TLE4: variants seen among roughly 807,000 people sequenced by gnomAD.
The protein encoded by TLE4 is transducin-like enhancer protein 4.
In TLE4, 8 loss-of-function variants were observed where a neutral mutation model predicts 92.8. That is an observed-to-expected ratio of 0.09 (90% CI 0.05 to 0.16). The LOEUF (loss-of-function observed/expected upper bound fraction) is 0.16, where lower values mean the gene tolerates loss of function less well. Ranked by LOEUF, TLE4 falls within the 10% of genes least tolerant of loss-of-function variation. The pLI, the probability that TLE4 is intolerant of heterozygous loss-of-function variation, is 1.00. For missense variants in TLE4, 675 were observed against 997.6 expected, an observed-to-expected ratio of 0.68 and a Z score of 4.36; for synonymous variants, 371 against 374.1, an observed-to-expected ratio of 0.99 and a Z score of 0.10.
At chr9:79,702,243 T>A (rs1057133703) in intron 8 of TLE4, among the ~76,000 whole-genome samples, 1 of 152,110 alleles carries the variant, frequency 6.6e-6, no homozygotes, top group Non-Finnish European at 1.5e-5. Flanking sequence ...ATTTGGAATT[T>A]TTTTCCCCCT....
At chr9:79,650,942 C>A (rs1367323012) in intron 6 of TLE4, among the ~76,000 whole-genome samples, 2 of 150,668 alleles carry the variant, frequency 1.3e-5, no homozygotes, top group African/African-American at 4.9e-5. Context: ...AGAAAATAAA[C>A]CTAATTTGGA....
At chr9:79,587,432 T>C (rs78598244) in intron 4 of TLE4, among the ~76,000 whole-genome samples, 2,951 of 152,310 alleles carry the variant, frequency 0.019, 103 homozygotes, top group African/African-American at 0.067. Context: ...ATGATTTATT[T>C]CTAAGATATC....
chr9:79,596,008 T>G (rs1197860883), intron 4 of TLE4, among the ~76,000 whole-genome samples: 2 of 151,626 alleles, frequency 1.3e-5, no homozygotes, highest in Non-Finnish European at 2.9e-5. Flanking sequence ...CACCACGCCA[T>G]GCTATTTTTT....
At chr9:79,649,997 C>T in intron 6 of TLE4, 1 of 679,250 alleles carries the variant, frequency 1.5e-6, no homozygotes, top group South Asian at 1.8e-5. Flanking sequence ...CTCACTGCAG[C>T]CATGACCTCC....
chr9:79,655,758 T>A (rs1461611746), intron 8 of TLE4, among the ~76,000 whole-genome samples: 1 of 152,226 alleles, frequency 6.6e-6, no homozygotes, highest in Non-Finnish European at 1.5e-5. Flanking sequence ...TTTGAAAGCC[T>A]GTCCAGTTAT....
chr9:79,598,075 G>GAAAAAAA (rs748860967), intron 4 of TLE4, among the ~76,000 whole-genome samples: 27 of 65,572 alleles, frequency 4.1e-4, no homozygotes, highest in South Asian at 6.4e-4. Context: ...TACTGAAAAA[G>GAAAAAAA]AAAAAAAAAA....
chr9:79,573,125 G>C (rs117665650), intron 1 of TLE4: 52,447 of 637,766 alleles, frequency 0.082, 2,623 homozygotes, highest in Non-Finnish European at 0.096. Context: ...CTCCTCGAGG[G>C]GGGGTGGCGA....
At chr9:79,667,353 T>C (rs2061565477) in intron 8 of TLE4, among the ~76,000 whole-genome samples, 1 of 152,214 alleles carries the variant, frequency 6.6e-6, no homozygotes, top group Non-Finnish European at 1.5e-5. Flanking sequence ...CTCGCCAGGC[T>C]GCTTGGTTTG....
At chr9:79,721,652 C>A in intron 16 of TLE4, 89 bp from the exon 17 acceptor site, 1 of 1,560,100 alleles carries the variant, frequency 6.4e-7, no homozygotes, top group Non-Finnish European at 8.7e-7. Context: ...ATAAGGCCTG[C>A]ATTGAAATTG....
At chr9:79,674,832 T>C (rs983128459) in intron 8 of TLE4, among the ~76,000 whole-genome samples, 1 of 152,196 alleles carries the variant, frequency 6.6e-6, no homozygotes, top group African/African-American at 2.4e-5. Flanking sequence ...ATCCAACAGA[T>C]GTATCCTCCT....
intron 6 of TLE4, among the ~76,000 whole-genome samples, chr9:79,631,577 A>G (rs1342581309): frequency 1.5e-5 from 2 of 136,942 alleles, no homozygotes; most frequent in Middle Eastern, 4.5e-3. Flanking sequence ...CCCCCTTAGT[A>G]TTTTGTTTTC....
intron 6 of TLE4, among the ~76,000 whole-genome samples, chr9:79,632,068 C>T (rs1378208351): frequency 6.6e-6 from 1 of 152,136 alleles, no homozygotes; most frequent in Non-Finnish European, 1.5e-5. Flanking sequence ...AACATGTGTC[C>T]CACAGCCTGA....
At chr9:79,596,365 A>G (rs2044018713) in intron 4 of TLE4, among the ~76,000 whole-genome samples, 1 of 152,272 alleles carries the variant, frequency 6.6e-6, no homozygotes, top group African/African-American at 2.4e-5. Context: ...AGAGGAAGGG[A>G]GATCCTTCAC....
At chr9:79,599,483 G>C (rs1420879589) in intron 4 of TLE4, among the ~76,000 whole-genome samples, 1 of 152,182 alleles carries the variant, frequency 6.6e-6, no homozygotes, top group Admixed American at 6.5e-5. Flanking sequence ...GCCAGGGCTA[G>C]AAACTACTGA....
Position 79,652,975 on chromosome 9 carries a change from G to A in TLE4, c.592+181G>A, listed in dbSNP as rs1587849093. The A allele has an allele frequency of 3.3e-5, 26 of 778,074 alleles. No homozygotes were observed. The East Asian group carries it at 6.4e-4, about 19-fold the overall frequency. The allele number at this position is 778,074 out of a possible 1,614,324, so 48.2% of individuals were successfully genotyped here. On this transcript the variant is annotated intron_variant, in intron 7 of 19. Transcript: ENST00000376552. ...TTGCCAAATGATATTCTAGTGGTTG[G>A]CAAGAGCTAACATACTCCCTAGAGG...
chr9:79,609,689 A>G (rs1432136727), intron 4 of TLE4, among the ~76,000 whole-genome samples: 1 of 152,082 alleles, frequency 6.6e-6, no homozygotes, highest in East Asian at 1.9e-4. Flanking sequence ...TATCATGAGC[A>G]TCTGAAGGCA....
At chr9:79,663,318 G>A (rs1289820264) in intron 8 of TLE4, 1 of 152,172 alleles carries the variant, frequency 6.6e-6, no homozygotes, top group Non-Finnish European at 1.5e-5. Context: ...ATATGGTGTA[G>A]CCACTAGTCA....
At chr9:79,689,188 G>A (rs1436990135) in intron 8 of TLE4, among the ~76,000 whole-genome samples, 1 of 151,952 alleles carries the variant, frequency 6.6e-6, no homozygotes, top group African/African-American at 2.4e-5. Context: ...TGTGTGTGTG[G>A]GTATGTTTAA....
chr9:79,659,385 T>C (rs563529682), intron 8 of TLE4, among the ~76,000 whole-genome samples: 2 of 152,222 alleles, frequency 1.3e-5, no homozygotes, highest in East Asian at 3.9e-4. Flanking sequence ...AATGAACACA[T>C]TATCTAAATA....
Sources: gnomAD v4.1 joint callset for allele counts (sites outside exome capture counted in the v4.1 genomes callset) on GRCh38, gnomAD v4.1.1 for gene constraint, MANE v1.5 for transcripts, NCBI Gene and HGNC (gene_info 2026-07-23, HGNC 2026-07-21) for gene names.